PRKCQ: variants seen among roughly 807,000 people sequenced by gnomAD.
PRKCQ encodes the protein protein kinase C theta type.
Under a neutral mutation model 91.2 loss-of-function variants are expected in PRKCQ, and 41 were observed. That is an observed-to-expected ratio of 0.45 (90% confidence interval 0.35 to 0.58). The LOEUF is 0.58. PRKCQ is among the 20% of genes least tolerant of loss of function. The pLI is 0.00. For synonymous variants in PRKCQ, 307 were observed against 316.9 expected, an observed-to-expected ratio of 0.97 and a Z score of 0.33; for missense variants, 673 against 896.5, an observed-to-expected ratio of 0.75 and a Z score of 3.18.
chr10:6,460,505 T>A (rs1216097098), intron 14 of PRKCQ, among the ~76,000 whole-genome samples: 2 of 152,068 alleles, frequency 1.3e-5, no homozygotes, highest in African/African-American at 4.8e-5. Context: ...CTTTTTAAAT[T>A]TTTTGAGATG....
chr10:6,571,284 A>T (rs1378442588), intron 1 of PRKCQ, among the ~76,000 whole-genome samples: 2 of 152,196 alleles, frequency 1.3e-5, no homozygotes, highest in Non-Finnish European at 2.9e-5. Flanking sequence ...ATCTCACACA[A>T]CATCACCAGG....
At chr10:6,437,855 G>A (rs565317440) in intron 16 of PRKCQ, among the ~76,000 whole-genome samples, 3 of 152,094 alleles carry the variant, frequency 2.0e-5, no homozygotes, top group Admixed American at 6.5e-5. Context: ...GGGTTTCACC[G>A]TGTAAGCCAG....
At chr10:6,460,524 C>G (rs967195955) in intron 14 of PRKCQ, among the ~76,000 whole-genome samples, 4 of 151,454 alleles carry the variant, frequency 2.6e-5, no homozygotes, top group African/African-American at 9.7e-5. Flanking sequence ...TGGACTGTTG[C>G]TCTGTTGCCC....
chr10:6,398,413 A>C, the PRKCQ span, among the ~76,000 whole-genome samples: 5 of 152,240 alleles, frequency 3.3e-5, no homozygotes, highest in African/African-American at 7.2e-5. Context: ...ATACTTTTAG[A>C]TTTTGAGAGG....
chr10:6,481,334 A>T (rs1474017640), intron 11 of PRKCQ, among the ~76,000 whole-genome samples: 1 of 152,264 alleles, frequency 6.6e-6, no homozygotes, highest in African/African-American at 2.4e-5. Context: ...TGCTTCTTTC[A>T]GTAAAACACC....
intron 15 of PRKCQ, among the ~76,000 whole-genome samples, chr10:6,456,355 G>C (rs1478082398): frequency 6.6e-6 from 1 of 152,138 alleles, no homozygotes; most frequent in Non-Finnish European, 1.5e-5. Flanking sequence ...CACTTGACTT[G>C]GGTGGACGCT....
In PRKCQ at chr10:6,515,164, A is replaced by C; in HGVS notation, c.-9-20T>G. ...TGCGCCCTGGAAAAAGACAAAAGAC[A>C]AACGCTGTTTGGGGGCTATAAAAGA... On this transcript the variant is annotated intron_variant, in intron 1 of 17. Coordinates refer to ENST00000263125, the MANE Select transcript of PRKCQ (RefSeq NM_006257.5). 1 of 1,611,676 alleles carries C rather than the reference A, an allele frequency of 6.2e-7. No individual in the cohort carries two copies. The highest frequency in any genetic ancestry group is 8.5e-7 in the Non-Finnish European group (1 of 1,179,512).
In PRKCQ at chr10:6,485,209, G is replaced by T. The variant is rs560199230; in HGVS notation, c.961C>A (p.Pro321Thr). Residue 321 changes from proline to threonine, a missense_variant, in exon 10 of 18, where the codon CCA becomes ACA. Transcript: ENST00000263125. ...FREGPVEIGL[P>T]CSIKNEARPP... ...CTTGCTTCATTTTTGATGGAGCATG[G>T]GAGACCAATTTCAACCGGACCTTCT... 76 of 1,614,044 alleles carry T rather than the reference G, an allele frequency of 4.7e-5. No homozygotes were observed. In the South Asian group the frequency reaches 7.8e-4, roughly 17 times the overall value.
intron 12 of PRKCQ, among the ~76,000 whole-genome samples, chr10:6,467,357 C>CAGAGAGAGAGAG: frequency 1.5e-5 from 1 of 67,050 alleles, no homozygotes; most frequent in South Asian, 5.5e-4. Flanking sequence ...GAGAGAGAGA[C>CAGAGAGAGAGAG]AGAGAGAGAG....
At chr10:6,469,693 G>C (rs1163398524) in intron 12 of PRKCQ, among the ~76,000 whole-genome samples, 1 of 152,056 alleles carries the variant, frequency 6.6e-6, no homozygotes, top group Non-Finnish European at 1.5e-5. Flanking sequence ...ATCTTCTCTG[G>C]AGCTCCATTT....
At chr10:6,446,364 T>C (rs1189726955) in intron 15 of PRKCQ, among the ~76,000 whole-genome samples, 1 of 145,472 alleles carries the variant, frequency 6.9e-6, no homozygotes, top group East Asian at 2.0e-4. Flanking sequence ...TCAGTTTTTT[T>C]TTTTTTTTTT....
intron 1 of PRKCQ, among the ~76,000 whole-genome samples, chr10:6,546,150 T>C (rs1839944519): frequency 1.3e-5 from 2 of 152,246 alleles, no homozygotes; most frequent in Admixed American, 1.3e-4. Flanking sequence ...CAGAGATATC[T>C]AACTGCAAAT....
intron 1 of PRKCQ, among the ~76,000 whole-genome samples, chr10:6,522,382 C>T (rs951126517): frequency 6.6e-6 from 1 of 152,270 alleles, no homozygotes; most frequent in Non-Finnish European, 1.5e-5. Flanking sequence ...CTTTAGGTCA[C>T]ACGCTATTAT....
chr10:6,488,033 A>C (rs1051979478), intron 8 of PRKCQ, among the ~76,000 whole-genome samples: 4 of 150,670 alleles, frequency 2.7e-5, no homozygotes, highest in Non-Finnish European at 5.9e-5. Context: ...AAACATCACC[A>C]TTAAAATACA....
intron 7 of PRKCQ, among the ~76,000 whole-genome samples, chr10:6,495,636 A>G (rs1415440072): frequency 2.6e-5 from 4 of 152,190 alleles, no homozygotes; most frequent in African/African-American, 7.2e-5. Context: ...ACTTCGCAGG[A>G]CCACGTCTGT....
At chr10:6,568,604 T>G (rs1840921017) in intron 1 of PRKCQ, among the ~76,000 whole-genome samples, 1 of 151,856 alleles carries the variant, frequency 6.6e-6, no homozygotes, top group South Asian at 2.1e-4. Flanking sequence ...TTCACGCAGT[T>G]CTCCTGCCTC....
chr10:6,575,630 A>C (rs1841201249), intron 1 of PRKCQ, among the ~76,000 whole-genome samples: 1 of 152,258 alleles, frequency 6.6e-6, no homozygotes, highest in African/African-American at 2.4e-5. Context: ...GATAGGAAAT[A>C]AACAATGAAC....
intron 15 of PRKCQ, among the ~76,000 whole-genome samples, chr10:6,450,593 T>G (rs1250466904): frequency 6.6e-6 from 1 of 152,200 alleles, no homozygotes; most frequent in Non-Finnish European, 1.5e-5. Context: ...AATAGACATC[T>G]ACAGAATTCT....
chr10:6,467,418 AGAGAG>A (rs1835744709), intron 12 of PRKCQ, among the ~76,000 whole-genome samples: 80 of 127,102 alleles, frequency 6.3e-4, no homozygotes, highest in African/African-American at 2.3e-3. Context: ...AGAGAGAGAG[AGAGAG>A]AGAGAGAGAT....
Sources: gnomAD v4.1 joint callset for allele counts (sites outside exome capture counted in the v4.1 genomes callset) on GRCh38, gnomAD v4.1.1 for gene constraint, MANE v1.5 for transcripts, NCBI Gene and HGNC (gene_info 2026-07-23, HGNC 2026-07-21) for gene names.